Variants in OSBP observed in about 807,000 individuals in gnomAD.
OSBP encodes the protein oxysterol binding protein.
Under a neutral mutation model 96.6 loss-of-function variants are expected in OSBP, and 32 were observed. The ratio of observed to expected loss-of-function variants is 0.33; its 90% CI spans 0.25 to 0.45. The LOEUF is 0.45. OSBP is among the 20% of genes least tolerant of loss of function. The pLI is 1.00. For synonymous variants in OSBP, 369 were observed against 389.6 expected (o/e 0.95, Z 0.62); for missense variants, 653 against 1,029.7 (o/e 0.63, Z 5.01).
At chr11:59,610,324 C>G (rs1462552270) in intron 2 of OSBP, 57 bp downstream of exon 2, 3 of 1,421,762 alleles carry the variant, frequency 2.1e-6, no homozygotes, top group Admixed American at 3.4e-5. Context: ...CAAACAAAAT[C>G]TGTGCATAAA....
chr11:59,577,167 T>A, intron 12 of OSBP, 142 bp from the exon 13 acceptor site: 1 of 681,680 alleles, frequency 1.5e-6, no homozygotes. Flanking sequence ...TCTAGGACCA[T>A]GTCACATTGC....
intron 9 of OSBP, among the ~76,000 whole-genome samples, chr11:59,591,919 C>T (rs1469517245): frequency 6.6e-6 from 1 of 152,160 alleles, no homozygotes; most frequent in Non-Finnish European, 1.5e-5. Context: ...CCACACCTGG[C>T]CCCCAGTACT....
At position 59,588,230 on chromosome 11, in the gene OSBP, G is replaced by A. The variant is rs528738913; in HGVS notation, c.1678+5374C>T. ...ATAGTGGGTTCCAGGGTTTGGGGAGGGAGAATAGAAAATTATTTTTTGGCT... is the reference window on the plus strand; with the variant it reads ...ATAGTGGGTTCCAGGGTTTGGGGAGAGAGAATAGAAAATTATTTTTTGGCT... On this transcript the variant is annotated intron_variant, in intron 9 of 13. Coordinates refer to ENST00000263847, the MANE Select transcript of OSBP (RefSeq NM_002556.3). Among the ~76,000 whole-genome samples the A allele has an allele frequency of 2.0e-5, 3 of 152,222 alleles. No individual in the cohort carries two copies. In the East Asian group the frequency reaches 5.8e-4, roughly 29 times the overall value.
chr11:59,587,960 T>G (rs749637620), intron 9 of OSBP, among the ~76,000 whole-genome samples: 2 of 152,124 alleles, frequency 1.3e-5, no homozygotes, highest in Non-Finnish European at 2.9e-5. Flanking sequence ...TCACAATAGC[T>G]AAAACATGGA....
rs948023420 is a variant in OSBP, at chr11:59,576,292, A to C, written c.*285T>G. 3.1e-6 allele frequency: 1 copy of C among 326,800 alleles called. No homozygotes were observed. Among genetic ancestry groups the C allele is most frequent in the African/African-American group, 2.1e-5 (1 of 46,844 alleles). The allele number at this position is 326,800 out of a possible 1,614,324, so 20.2% of individuals were successfully genotyped here. A position where few individuals can be genotyped will look rare whatever the true frequency, so the allele number is the denominator to read the frequency against. On this transcript the variant is annotated 3_prime_UTR_variant, in exon 14 of 14. Transcript: ENST00000263847. ...GGGGCAGAGGGAGAAAGAAGAGCCA[A>C]GAATACTTGACTTCGTGGATGTGGA...
intron 9 of OSBP, among the ~76,000 whole-genome samples, chr11:59,589,855 C>T (rs1860555561): frequency 2.0e-5 from 3 of 152,032 alleles, no homozygotes; most frequent in South Asian, 4.2e-4. Flanking sequence ...CGGTGGCGGG[C>T]ACCTGTAATC....
At chr11:59,584,616 G>A (rs571856697) in intron 9 of OSBP, among the ~76,000 whole-genome samples, 16 of 152,172 alleles carry the variant, frequency 1.1e-4, no homozygotes, top group African/African-American at 2.2e-4. Context: ...AACACTCAAC[G>A]AGCTAGAAAT....
intron 9 of OSBP, among the ~76,000 whole-genome samples, chr11:59,581,966 T>G (rs1362790017): frequency 6.6e-6 from 1 of 152,200 alleles, no homozygotes; most frequent in Admixed American, 6.5e-5. Context: ...TGTGTGACCT[T>G]AAACAAACCA....
chr11:59,615,003 T>C (rs1408665981), intron 1 of OSBP, among the ~76,000 whole-genome samples: 2 of 152,198 alleles, frequency 1.3e-5, no homozygotes, highest in African/African-American at 4.8e-5. Context: ...ACCCATGTGC[T>C]GGTGGAAATA....
chr11:59,593,140 T>C (rs563402243), intron 9 of OSBP, among the ~76,000 whole-genome samples: 26 of 152,130 alleles, frequency 1.7e-4, no homozygotes, highest in South Asian at 6.2e-4. Flanking sequence ...TGACCTAGAA[T>C]TCAGCCATTA....
chr11:59,601,912 A>G, intron 3 of OSBP, 74 bp from the exon 4 acceptor site: 2 of 1,361,236 alleles, frequency 1.5e-6, no homozygotes, highest in Non-Finnish European at 2.1e-6. Context: ...AAGCCCATTG[A>G]GTAACCTTAT....
chr11:59,614,872 T>C (rs919203511), intron 1 of OSBP, among the ~76,000 whole-genome samples: 34 of 152,384 alleles, frequency 2.2e-4, no homozygotes, highest in Admixed American at 9.8e-4. Context: ...GACTGGGCAC[T>C]GACAGCTACA....
intron 9 of OSBP, among the ~76,000 whole-genome samples, chr11:59,589,180 G>A (rs558002627): frequency 6.7e-6 from 1 of 148,816 alleles, no homozygotes; most frequent in African/African-American, 2.5e-5. Flanking sequence ...AGAGATGGGG[G>A]TCTCCCTATG....
intron 7 of OSBP, 117 bp from the exon 8 acceptor site, chr11:59,594,372 C>A: frequency 2.1e-6 from 2 of 961,556 alleles, no homozygotes; most frequent in Non-Finnish European, 3.1e-6. Flanking sequence ...CTCAGTAGAG[C>A]GGCTCTAATA....
At chr11:59,581,181 G>GT (rs1860416192) in intron 10 of OSBP, among the ~76,000 whole-genome samples, 1 of 152,146 alleles carries the variant, frequency 6.6e-6, no homozygotes, top group Non-Finnish European at 1.5e-5. Context: ...GGCCACGTTT[G>GT]TTTTTTCTAC....
chr11:59,593,354 G>T, intron 9 of OSBP: 1 of 413,798 alleles, frequency 2.4e-6, no homozygotes, highest in Non-Finnish European at 4.4e-6. Context: ...GTTCTAAATA[G>T]TGCTTAGAGA....
chr11:59,581,958 T>C (rs1353270180), intron 9 of OSBP, among the ~76,000 whole-genome samples: 4 of 152,240 alleles, frequency 2.6e-5, no homozygotes, highest in Non-Finnish European at 4.4e-5. Flanking sequence ...TTACTAGCTG[T>C]GTGACCTTAA....
At chr11:59,593,869 A>G in intron 8 of OSBP, 141 bp downstream of exon 8, 2 of 1,412,998 alleles carry the variant, frequency 1.4e-6, no homozygotes, top group East Asian at 4.8e-5. Context: ...AGGGTCTCCA[A>G]CGCTGACGTT....
intron 12 of OSBP, among the ~76,000 whole-genome samples, chr11:59,577,358 T>G (rs1434256037): frequency 6.6e-6 from 1 of 152,162 alleles, no homozygotes; most frequent in African/African-American, 2.4e-5. Context: ...TTTAACTCTC[T>G]CTGGGATAAT....
Sources: gnomAD v4.1 joint callset for allele counts (sites outside exome capture counted in the v4.1 genomes callset) on GRCh38, gnomAD v4.1.1 for gene constraint, MANE v1.5 for transcripts, NCBI Gene and HGNC (gene_info 2026-07-23, HGNC 2026-07-21) for gene names.